The following CACNA1A variants were observed in gnomAD, a reference collection of about 807,000 sequenced individuals.
The protein encoded by CACNA1A is calcium voltage-gated channel subunit alpha1 A, also known as voltage-dependent P/Q-type calcium channel subunit alpha-1A.
In CACNA1A, 57 loss-of-function variants were observed where a neutral mutation model predicts 262.4. The ratio of observed to expected loss-of-function variants is 0.22; its 90% CI spans 0.18 to 0.27. The LOEUF (loss-of-function observed/expected upper bound fraction) is 0.27, where lower values mean the gene tolerates loss of function less well. Among genes scored for constraint, CACNA1A ranks in the 10% least tolerant of loss-of-function variants. The pLI is 1.00. For missense variants in CACNA1A, 2,526 were observed against 3,562.8 expected (o/e 0.71, Z 7.41); for synonymous variants, 1,431 against 1,419.3 (o/e 1.01, Z -0.18).
intron 1 of CACNA1A, among the ~76,000 whole-genome samples, chr19:13,498,425 G>A (rs1286781115): frequency 6.6e-6 from 1 of 152,168 alleles, no homozygotes; most frequent in African/African-American, 2.4e-5. Context: ...GCAAGTGGGT[G>A]ACTAAGTTGG....
chr19:13,491,144 G>A (rs887048498), intron 1 of CACNA1A, among the ~76,000 whole-genome samples: 1 of 152,226 alleles, frequency 6.6e-6, no homozygotes, highest in Non-Finnish European at 1.5e-5. Flanking sequence ...GAGAAAACTT[G>A]AGTATTTTTC....
intron 12 of CACNA1A, among the ~76,000 whole-genome samples, chr19:13,310,242 G>T (rs2057992068): frequency 6.6e-6 from 1 of 151,388 alleles, no homozygotes; most frequent in Non-Finnish European, 1.5e-5. Flanking sequence ...GATCACCTGA[G>T]ATCAGGATTT....
chr19:13,221,240 T>TCTTTCTTTCTTTCTTTCTTTG (rs1249650909), intron 38 of CACNA1A, among the ~76,000 whole-genome samples: 1 of 55,448 alleles, frequency 1.8e-5, no homozygotes, highest in African/African-American at 9.1e-5. Context: ...CTTTCTTTTT[T>TCTTTCTTTCTTTCTTTCTTTG]TTTTTTTTTT....
chr19:13,463,510 C>T (rs1025225887), intron 1 of CACNA1A, among the ~76,000 whole-genome samples: 3 of 152,188 alleles, frequency 2.0e-5, no homozygotes, highest in African/African-American at 7.2e-5. Flanking sequence ...TTCAGCACCA[C>T]GGCCAGCGGC....
At chr19:13,398,773 T>A (rs528254120) in intron 3 of CACNA1A, among the ~76,000 whole-genome samples, 3 of 152,236 alleles carry the variant, frequency 2.0e-5, no homozygotes, top group African/African-American at 7.2e-5. Context: ...TGATCATTCA[T>A]GAGAAGTGCT....
chr19:13,348,430 T>C (rs192186127), intron 6 of CACNA1A, among the ~76,000 whole-genome samples: 170 of 152,216 alleles, frequency 1.1e-3, no homozygotes, highest in African/African-American at 3.9e-3. Context: ...AGGCTGGGCA[T>C]GGTGGCTCAT....
chr19:13,284,410 C>T (rs1274615829), intron 21 of CACNA1A: 2 of 152,218 alleles, frequency 1.3e-5, no homozygotes, highest in African/African-American at 4.8e-5. Flanking sequence ...TAGAAAGCAG[C>T]TTCTCCCCCA....
intron 3 of CACNA1A, among the ~76,000 whole-genome samples, chr19:13,386,888 T>C (rs1195158287): frequency 1.3e-5 from 2 of 152,122 alleles, no homozygotes; most frequent in African/African-American, 2.4e-5. Flanking sequence ...AGTGGAAAGA[T>C]GGAAGGACTC....
chr19:13,280,131 T>A (rs571195085), intron 22 of CACNA1A, among the ~76,000 whole-genome samples: 1 of 152,020 alleles, frequency 6.6e-6, no homozygotes, highest in South Asian at 2.1e-4. Context: ...GCCAACCACT[T>A]GCAAATTATA....
At chr19:13,454,621 C>T (rs542841096) in intron 2 of CACNA1A, among the ~76,000 whole-genome samples, 5 of 152,272 alleles carry the variant, frequency 3.3e-5, no homozygotes, top group African/African-American at 1.2e-4. Context: ...ATCTACCTGC[C>T]TTGGCCTCCC....
At chr19:13,434,315 G>GATA (rs1389814314) in intron 3 of CACNA1A, among the ~76,000 whole-genome samples, 1 of 152,074 alleles carries the variant, frequency 6.6e-6, no homozygotes, top group Non-Finnish European at 1.5e-5. Context: ...TGTTATTACT[G>GATA]ATACCTTCAT....
chr19:13,425,295 G>A (rs2030238737), intron 3 of CACNA1A, among the ~76,000 whole-genome samples: 1 of 152,174 alleles, frequency 6.6e-6, no homozygotes, highest in South Asian at 2.1e-4. Flanking sequence ...ATCTACCAGA[G>A]CATTAAAACC....
rs2144883181 is a variant in CACNA1A at position 13,285,761 on chromosome 19, T to C, written c.3554-555A>G. ...GCTTCCATTCTGCAGCCCAGCCTGC[T>C]TATGTGCCCACGGGCAGGCTGAGCC... On this transcript the variant is annotated intron_variant, in intron 20 of 46. Coordinates refer to ENST00000360228, the MANE Select transcript of CACNA1A (RefSeq NM_001127222.2). Among the ~76,000 whole-genome samples the C allele has an allele frequency of 2.6e-5, 4 of 152,142 alleles. No homozygotes were observed. The Middle Eastern group carries it at 0.014, about 517-fold the overall frequency.
At chr19:13,455,721 C>G (rs1044839895) in intron 1 of CACNA1A, among the ~76,000 whole-genome samples, 2 of 151,828 alleles carry the variant, frequency 1.3e-5, no homozygotes, top group South Asian at 4.2e-4. Flanking sequence ...AATATGGTGG[C>G]AGGGCCAGCA....
rs1982996466 is a variant in CACNA1A at position 13,506,036 on chromosome 19, G to A, written c.189C>T (p.Asn63=). 1.1e-5 allele frequency: 18 copies of A among 1,613,968 alleles called. No homozygotes were observed. The highest frequency in any genetic ancestry group is 1.4e-5 in the Non-Finnish European group (17 of 1,179,872). The change falls in exon 1 of 47, where the codon AAC becomes AAT. Residue 63 remains asparagine, a synonymous_variant. Transcript: ENST00000360228. Reference sequence around the variant, plus strand: ...GGCAGTTCTGTCGGACGGGGATGGGGTTGTAGAGTGCCATGGTCCGCGCTC... The same window carrying A: ...GGCAGTTCTGTCGGACGGGGATGGGATTGTAGAGTGCCATGGTCCGCGCTC... ...AQRARTMALY[N]PIPVRQNCLT...
At position 13,207,923 on chromosome 19, in the gene CACNA1A, C is replaced by T. The variant is rs1182529995; in HGVS notation, c.6911G>A (p.Arg2304His). The change falls in exon 47 of 47, where the codon CGT (arginine) becomes CAT (histidine). Residue 2304 changes from arginine (R) to histidine (H), a missense_variant. Arg to His is a conservative substitution (Grantham distance 29). Transcript: ENST00000360228. The surrounding 1 kb of genome is among the most constrained non-coding windows in gnomAD (Gnocchi z 5.7). ...CGGGGGCCCCGAGCCGCCGGCCTTA[C>T]GGATCACAGGGGAATAGGACACGTG... ...RPHVSYSPVI[R>H]KAGGSGPPQQ... The T allele has an allele frequency of 2.1e-6, 3 of 1,426,426 alleles. No individual in the cohort carries two copies. The highest frequency in any genetic ancestry group is 3.1e-5 in the East Asian group (1 of 32,470). 88.4% of individuals were successfully genotyped at this position (1,426,426 alleles called of 1,614,324 possible). A position where few individuals can be genotyped will look rare whatever the true frequency, so the allele number is the denominator to read the frequency against.
At chr19:13,234,000 A>G (rs1433436400) in intron 34 of CACNA1A, among the ~76,000 whole-genome samples, 1 of 148,108 alleles carries the variant, frequency 6.8e-6, no homozygotes, top group Non-Finnish European at 1.5e-5. Context: ...CAGTGAGCCG[A>G]GATGGCGCCA....
intron 4 of CACNA1A, among the ~76,000 whole-genome samples, chr19:13,366,663 G>C (rs745418112): frequency 9.2e-5 from 14 of 152,202 alleles, no homozygotes; most frequent in Non-Finnish European, 1.3e-4. Flanking sequence ...GGGCAAGAAA[G>C]GGGTGGGAGT....
intron 37 of CACNA1A, 138 bp downstream of exon 37, chr19:13,227,293 A>C: frequency 2.2e-6 from 1 of 458,490 alleles, no homozygotes; most frequent in Non-Finnish European, 4.1e-6. Context: ...GAAAAAAAAG[A>C]ATCAAAAACA....
Sources: gnomAD v4.1 joint callset for allele counts (sites outside exome capture counted in the v4.1 genomes callset) on GRCh38, gnomAD v4.1.1 for gene constraint, Gnocchi (gnomAD v3.1) non-coding constraint, MANE v1.5 for transcripts, NCBI Gene and HGNC (gene_info 2026-07-23, HGNC 2026-07-21) for gene names.